Variants in EEF1B2 observed in about 807,000 individuals in gnomAD.
EEF1B2 encodes the protein elongation factor 1-beta.
A neutral mutation model predicts 28.3 loss-of-function variants in EEF1B2; 12 were observed. That is an observed-to-expected ratio of 0.42 (90% CI 0.27 to 0.69). EEF1B2 has a LOEUF of 0.69. Among genes scored for constraint, EEF1B2 ranks in the 30% least tolerant of loss-of-function variants. The pLI is 0.22. For synonymous variants in EEF1B2, 83 were observed against 99.9 expected (o/e 0.83, Z 1.01); for missense variants, 234 against 272.6 (o/e 0.86, Z 1.00).
chr2:206,161,836 T>A lies in EEF1B2; in HGVS notation c.331-202T>A, dbSNP rs751159051. On this transcript the variant is annotated intron_variant, in intron 3 of 5. Coordinates refer to ENST00000392222, the MANE Select transcript of EEF1B2 (RefSeq NM_001959.4). ...TGTGGTTAAGCCAAATTGCCTGGAT[T>A]TGAATCCTGGCTTTAATTTATATGC... 3 of 745,028 alleles carry A rather than the reference T, an allele frequency of 4.0e-6. No homozygotes were observed. In the Admixed American group the frequency reaches 5.2e-5, roughly 13 times the overall value. 46.2% of individuals were successfully genotyped at this position (745,028 alleles called of 1,614,324 possible). A position where few individuals can be genotyped will look rare whatever the true frequency, so the allele number is the denominator to read the frequency against.
chr2:206,161,660 A>G (rs947464877), intron 3 of EEF1B2, among the ~76,000 whole-genome samples, 188 bp downstream of exon 3: 1 of 151,868 alleles, frequency 6.6e-6, no homozygotes, highest in African/African-American at 2.4e-5. Flanking sequence ...AATCCCAGCT[A>G]CTCAGGCGGC....
At chr2:206,161,106 A>G in intron 2 of EEF1B2, 1 of 585,422 alleles carries the variant, frequency 1.7e-6, no homozygotes. Context: ...TCAAACAGAA[A>G]TGTTCATACT....
Position 206,159,936 on chromosome 2 carries a change from GCT to G in EEF1B2, c.-39_-38del, listed in dbSNP as rs750520804. Reference sequence around the variant, plus strand: ...AGCGTGGGGCGCCCACAATTTGCGCGCTCTCTTTCTGCTGCTCCCCAGCTCTC... The same window carrying G: ...AGCGTGGGGCGCCCACAATTTGCGCGCTCTTTCTGCTGCTCCCCAGCTCTC... On this transcript the variant is annotated 5_prime_UTR_variant, in exon 1 of 6. Transcript: ENST00000392222. 36 of 1,595,746 alleles carry G rather than the reference GCT, an allele frequency of 2.3e-5. No homozygotes were observed. Among genetic ancestry groups the G allele is most frequent in the Non-Finnish European group, 2.9e-5 (34 of 1,173,002 alleles).
chr2:206,161,960 T>C (rs1687947380), intron 3 of EEF1B2, 78 bp from the exon 4 acceptor site: 3 of 1,273,182 alleles, frequency 2.4e-6, no homozygotes, highest in South Asian at 2.4e-5. Flanking sequence ...TAAGCCAGTC[T>C]TTTTTGTGAT....
At position 206,160,052 on chromosome 2, in the gene EEF1B2, A is replaced by C. The variant is rs774686452; in HGVS notation, c.73A>C (p.Ile25Leu). Residue 25 changes from isoleucine (I) to leucine (L), a missense_variant, in exon 1 of 6, where the codon ATC becomes CTC. Physicochemically the swap from Ile to Leu is conservative, Grantham distance 5. Coordinates refer to ENST00000392222, the MANE Select transcript of EEF1B2 (RefSeq NM_001959.4). ...CGATTACCTGGCGGACAAGAGCTAC[A>C]TCGAGGGGTGAGCGGACGGGCTGAG... ...LNDYLADKSY[I>L]EGYVPSQADV... 4 of 1,612,268 alleles carry C rather than the reference A, an allele frequency of 2.5e-6. No individual in the cohort carries two copies. The highest frequency in any genetic ancestry group is 1.1e-5 in the South Asian group (1 of 91,008).
intron 2 of EEF1B2, 97 bp from the exon 3 acceptor site, chr2:206,161,249 T>C: frequency 6.5e-7 from 1 of 1,532,548 alleles, no homozygotes; most frequent in Non-Finnish European, 8.8e-7. Flanking sequence ...GCAAAAGGGA[T>C]CTAGTGATAA....
rs377582427 is a variant in EEF1B2, at chr2:206,160,746, C to T, written c.203+36C>T. On this transcript the variant is annotated intron_variant, in intron 2 of 5. Coordinates refer to ENST00000392222, the MANE Select transcript of EEF1B2 (RefSeq NM_001959.4). ...CTTTGTATAGAGCTGAAGAATAAGA[C>T]TGCTCTCGAAGTTTATCAGGATGTT... 6 of 1,613,606 alleles carry T rather than the reference C, an allele frequency of 3.7e-6. No individual in the cohort carries two copies. The African/African-American group carries it at 4.0e-5, about 11-fold the overall frequency.
chr2:206,160,826 A>G, intron 2 of EEF1B2, 116 bp downstream of exon 2: 1 of 1,530,428 alleles, frequency 6.5e-7, no homozygotes, highest in Admixed American at 1.7e-5. Flanking sequence ...ATTGTAAGCT[A>G]AATTTTTCTG....
upstream of EEF1B2, chr2:206,159,627 C>T (rs1375247111): frequency 4.3e-6 from 1 of 233,460 alleles, no homozygotes; most frequent in Non-Finnish European, 8.4e-6. Context: ...GGCCGGGCGT[C>T]TTCGGTCATC....
upstream of EEF1B2, chr2:206,159,864 C>G (rs1433891207): frequency 8.2e-6 from 10 of 1,219,944 alleles, no homozygotes; most frequent in East Asian, 2.0e-4. Flanking sequence ...GCCTCCGTCT[C>G]TATATAAGGA....
At position 206,162,810 on chromosome 2, in the gene EEF1B2, T is replaced by C. The variant is rs1164018954; in HGVS notation, c.605T>C (p.Met202Thr). Residue 202 changes from methionine to threonine, a missense_variant, in exon 6 of 6, where the codon ATG becomes ACG. Coordinates refer to ENST00000392222, the MANE Select transcript of EEF1B2 (RefSeq NM_001959.4). The part of the protein sequence containing the change: ...VVEDDKVGTD[M>T]LEEQITAFED... ...GAAGATGATAAAGTTGGAACAGATA[T>C]GCTGGAGGAGCAGATCACTGCTTTT... 3.7e-6 allele frequency: 6 copies of C among 1,607,692 alleles called. No individual in the cohort carries two copies. Among genetic ancestry groups the C allele is most frequent in the Non-Finnish European group, 4.2e-6 (5 of 1,179,884 alleles).
At chr2:206,162,212 A>G in intron 4 of EEF1B2, 108 bp downstream of exon 4, 1 of 1,219,106 alleles carries the variant, frequency 8.2e-7, no homozygotes, top group East Asian at 2.3e-5. Context: ...CAATATTTTA[A>G]AACCTGTACA....
intron 4 of EEF1B2, 169 bp from the exon 5 acceptor site, chr2:206,162,320 A>G (rs1442686738): frequency 8.0e-7 from 1 of 1,245,788 alleles, no homozygotes; most frequent in East Asian, 2.3e-5. Flanking sequence ...CCTCTTTCTT[A>G]GCAAAACAGA....
intron 2 of EEF1B2, 93 bp from the exon 3 acceptor site, chr2:206,161,253 G>C: frequency 6.5e-7 from 1 of 1,545,848 alleles, no homozygotes; most frequent in Non-Finnish European, 8.8e-7. Context: ...AAGGGATCTA[G>C]TGATAAGTAG....
intron 1 of EEF1B2, 163 bp from the exon 2 acceptor site, chr2:206,160,425 A>G (rs1410180912): frequency 2.3e-6 from 3 of 1,299,798 alleles, no homozygotes; most frequent in Admixed American, 5.2e-5. Flanking sequence ...GGTGACCCAA[A>G]CATATGGTTT....
At position 206,162,877 on chromosome 2, in the gene EEF1B2, G is replaced by C; in HGVS notation, c.672G>C (p.Lys224Asn). ...CCATGGATGTGGCTGCTTTCAACAA[G>C]ATCTAAAATCCATCCTGGATCATGG... ...VQSMDVAAFN[K>N]I Residue 224 changes from lysine (K) to asparagine (N), a missense_variant, in exon 6 of 6, where the codon AAG becomes AAC. Lys to Asn is a moderately conservative substitution (Grantham distance 94, BLOSUM62 0). This residue lies in a region of EEF1B2 where 56 missense variants were observed against 99.3 expected (regional missense o/e 0.56). Transcript: ENST00000392222. 2.5e-6 allele frequency: 4 copies of C among 1,592,736 alleles called. No individual in the cohort carries two copies. Among genetic ancestry groups the C allele is most frequent in the Non-Finnish European group, 3.4e-6 (4 of 1,177,846 alleles).
At chr2:206,160,428 T>C (rs1687882510) in intron 1 of EEF1B2, 160 bp from the exon 2 acceptor site, 2 of 1,311,434 alleles carry the variant, frequency 1.5e-6, no homozygotes, top group East Asian at 4.9e-5. Context: ...GACCCAAACA[T>C]ATGGTTTGAT....
chr2:206,161,511 A>G (rs1200503819), intron 3 of EEF1B2, 39 bp downstream of exon 3: 1 of 1,609,202 alleles, frequency 6.2e-7, no homozygotes, highest in Non-Finnish European at 8.5e-7. Flanking sequence ...GGCCAGGCGC[A>G]GTGGCTCATG....
chr2:206,159,831 G>T, upstream of EEF1B2: 1 of 803,224 alleles, frequency 1.2e-6, no homozygotes, highest in Non-Finnish European at 1.9e-6. Flanking sequence ...TTTAACCTTC[G>T]GTCCGGCGCG....
Sources: allele counts gnomAD v4.1 joint callset (sites outside exome capture counted in the v4.1 genomes callset), GRCh38; gene constraint gnomAD v4.1.1; regional missense constraint gnomAD v4.1.1; transcripts MANE v1.5; gene names NCBI Gene and HGNC (gene_info 2026-07-23, HGNC 2026-07-21).